Variants in CELF4 observed in about 807,000 individuals in gnomAD.
CELF4 encodes the protein CUG-BP- and ETR-3-like factor 4.
In CELF4, 18 loss-of-function variants were observed where a neutral mutation model predicts 59.9. The ratio of observed to expected loss-of-function variants is 0.30; its 90% CI spans 0.21 to 0.45. CELF4 has a LOEUF of 0.45. Among genes scored for constraint, CELF4 ranks in the 20% least tolerant of loss-of-function variants. CELF4 has a pLI of 1.00. For synonymous variants in CELF4, 261 were observed against 267.1 expected, an observed-to-expected ratio of 0.98 and a Z score of 0.22; for missense variants, 456 against 689.0, an observed-to-expected ratio of 0.66 and a Z score of 3.79.
intron 12 of CELF4, among the ~76,000 whole-genome samples, chr18:37,249,489 A>G (rs1372114314): frequency 6.6e-6 from 1 of 152,144 alleles, no homozygotes; most frequent in Non-Finnish European, 1.5e-5. Flanking sequence ...TGAATAGCAC[A>G]CAGCCCCTGT....
intron 1 of CELF4, among the ~76,000 whole-genome samples, chr18:37,491,851 A>G (rs1786803): frequency 0.26 from 39,316 of 152,124 alleles, 5,647 homozygotes; most frequent in Non-Finnish European, 0.32. Context: ...GTGGGGGGAA[A>G]ACACAGTGCA....
In CELF4 at chr18:37,270,808, A is replaced by G. The variant is rs147702950; in HGVS notation, c.1059T>C (p.Ala353=). The G allele has an allele frequency of 2.2e-5, 35 of 1,613,898 alleles. No homozygotes were observed. In the African/African-American group the frequency reaches 4.7e-4, roughly 22 times the overall value. ...GLPPQANGQP[A]AEAVFANGIH... ...TGCCATTGGCGAACACAGCTTCCGC[A>G]GCAGGTTGCCCATTGGCCTGTGGGG... is the stretch of plus-strand genomic sequence containing the variant. Residue 353 remains alanine, a synonymous_variant, in exon 8 of 13, where the codon GCT becomes GCC. Transcript: ENST00000420428.
At chr18:37,280,644 G>A (rs575433300) in intron 3 of CELF4, among the ~76,000 whole-genome samples, 1 of 152,326 alleles carries the variant, frequency 6.6e-6, no homozygotes, top group South Asian at 2.1e-4. Context: ...GACATATGCA[G>A]GGACAACAAG....
chr18:37,379,968 G>C (rs1425767138), intron 2 of CELF4, among the ~76,000 whole-genome samples: 1 of 152,184 alleles, frequency 6.6e-6, no homozygotes, highest in South Asian at 2.1e-4. Context: ...CTTCCACTCA[G>C]AGGGTGGATG....
At chr18:37,533,910 T>A (rs1344387290) in intron 1 of CELF4, among the ~76,000 whole-genome samples, 1 of 151,866 alleles carries the variant, frequency 6.6e-6, no homozygotes, top group Non-Finnish European at 1.5e-5. Context: ...GGTCCTGGAG[T>A]CGGGGGCTTG....
intron 2 of CELF4, among the ~76,000 whole-genome samples, chr18:37,350,267 G>A (rs887875844): frequency 6.6e-6 from 1 of 152,158 alleles, no homozygotes; most frequent in Non-Finnish European, 1.5e-5. Flanking sequence ...GACTTTCTAC[G>A]TGAACATGAC....
intron 3 of CELF4, among the ~76,000 whole-genome samples, chr18:37,289,865 T>A (rs1204214854): frequency 6.6e-6 from 1 of 152,164 alleles, no homozygotes; most frequent in Non-Finnish European, 1.5e-5. Context: ...TGGAGTTTCA[T>A]CTTTTGGGTT....
Position 37,422,077 on chromosome 18 carries a change from G to C in CELF4, c.369+63448C>G, listed in dbSNP as rs181477729. On this transcript the variant is annotated intron_variant, in intron 2 of 12. Transcript: ENST00000420428. The stretch of plus-strand genomic sequence containing the variant: ...ACACGGCGCTCAGTTGTGTGCTGGG[G>C]CAACAAATTATAACACTGGCTAGAC... Among the ~76,000 whole-genome samples, 43 of 152,320 alleles carry C rather than the reference G, an allele frequency of 2.8e-4. No individual in the cohort carries two copies. The East Asian group carries it at 8.3e-3, about 29-fold the overall frequency.
At position 37,366,922 on chromosome 18, in the gene CELF4, G is replaced by C. The variant is rs113056664; in HGVS notation, c.370-45041C>G. 1.7e-3 allele frequency among the ~76,000 whole-genome samples: 264 copies of C among 152,160 alleles called. 1 individual carries two copies. Among genetic ancestry groups the C allele is most frequent in the Non-Finnish European group, 2.9e-3 (195 of 68,006 alleles). On this transcript the variant is annotated intron_variant, in intron 2 of 12. Coordinates refer to ENST00000420428, the MANE Select transcript of CELF4 (RefSeq NM_020180.4). Reference sequence around the variant, plus strand: ...CGTGCCCCATGGAGCTCCTCTTCTGGGTGGCCCCTTCTTGGTTTCTCATTT... The same window carrying C: ...CGTGCCCCATGGAGCTCCTCTTCTGCGTGGCCCCTTCTTGGTTTCTCATTT...
intron 2 of CELF4, among the ~76,000 whole-genome samples, chr18:37,347,257 C>G (rs2098292852): frequency 6.6e-6 from 1 of 152,104 alleles, no homozygotes; most frequent in South Asian, 2.1e-4. Flanking sequence ...TCTCCAAGGT[C>G]TCCCTGCCAC....
At chr18:37,442,369 C>T (rs974902456) in intron 2 of CELF4, among the ~76,000 whole-genome samples, 1 of 152,176 alleles carries the variant, frequency 6.6e-6, no homozygotes, top group African/African-American at 2.4e-5. Context: ...TTGATTCTCA[C>T]TAGTCATTTG....
chr18:37,380,792 A>ATCCATCCATCCATCC (rs2099029500), intron 2 of CELF4, among the ~76,000 whole-genome samples: 1 of 134,752 alleles, frequency 7.4e-6, no homozygotes, highest in Non-Finnish European at 1.6e-5. Flanking sequence ...TTTCTCCATG[A>ATCCATCCATCCATCC]ATCCATCCAT....
Position 37,493,265 on chromosome 18 carries a change from T to C in CELF4, c.287-7658A>G, listed in dbSNP as rs901815541. ...ACGTAACTTTCTAGGAGTGTCTAAG[T>C]TTTCCTTCCTCCAGGAAGCCTTCCC... On this transcript the variant is annotated intron_variant, in intron 1 of 12. Coordinates refer to ENST00000420428, the MANE Select transcript of CELF4 (RefSeq NM_020180.4). 2.6e-5 allele frequency among the ~76,000 whole-genome samples: 4 copies of C among 152,166 alleles called. No homozygotes were observed. In the South Asian group the frequency reaches 8.3e-4, roughly 31 times the overall value.
chr18:37,253,755 G>C lies in CELF4; in HGVS notation c.*44+12C>G. The C allele has an allele frequency of 6.6e-7, 1 of 1,522,170 alleles. No homozygotes were observed. The highest frequency in any genetic ancestry group is 8.9e-7 in the Non-Finnish European group (1 of 1,126,542). 94.3% of individuals were successfully genotyped at this position (1,522,170 alleles called of 1,614,324 possible). A position where few individuals can be genotyped will look rare whatever the true frequency, so the allele number is the denominator to read the frequency against. ...CAACCCCCGTCCCCGCGCCCCGGCC[G>C]CCCCCGGTTACCTGTGCGAGTCCTG... On this transcript the variant is annotated intron_variant, in intron 12 of 12. Transcript: ENST00000420428. This position sits in a 1 kb window ranked among gnomAD's most constrained non-coding sequence, Gnocchi z 4.5.
In CELF4 at chr18:37,398,904, C is replaced by T. The variant is rs117758408; in HGVS notation, c.370-77023G>A. Among the ~76,000 whole-genome samples the T allele has an allele frequency of 4.2e-3, 642 of 152,206 alleles. 4 individuals are homozygous for T. The highest frequency in any genetic ancestry group is 7.7e-3 in the Non-Finnish European group (524 of 68,004). On this transcript the variant is annotated intron_variant, in intron 2 of 12. Coordinates refer to ENST00000420428, the MANE Select transcript of CELF4 (RefSeq NM_020180.4). ...TGGCTGAGAGGATTTACAGAGATCC[C>T]GGGGGTGCATATAGATTTCAAACTG...
At chr18:37,538,033 G>T (rs548298518) in intron 1 of CELF4, among the ~76,000 whole-genome samples, 7 of 152,340 alleles carry the variant, frequency 4.6e-5, no homozygotes, top group African/African-American at 1.4e-4. Context: ...TCCTTGGTCC[G>T]GGTTGTGCAG....
intron 2 of CELF4, among the ~76,000 whole-genome samples, chr18:37,361,550 T>A (rs1003821417): frequency 6.6e-6 from 1 of 152,150 alleles, no homozygotes; most frequent in Non-Finnish European, 1.5e-5. Flanking sequence ...GTCTTGGCTG[T>A]TAACAAAATT....
intron 2 of CELF4, among the ~76,000 whole-genome samples, chr18:37,408,383 G>GA (rs2099404527): frequency 6.6e-6 from 1 of 151,312 alleles, no homozygotes; most frequent in African/African-American, 2.4e-5. Context: ...AAGGGACCAA[G>GA]CACCCAACTT....
At chr18:37,287,602 A>G (rs1266181941) in intron 3 of CELF4, among the ~76,000 whole-genome samples, 1 of 152,094 alleles carries the variant, frequency 6.6e-6, no homozygotes, top group Non-Finnish European at 1.5e-5. Flanking sequence ...CTGAGTGGGG[A>G]ATCCCAGGCC....
Sources: allele counts gnomAD v4.1 joint callset (sites outside exome capture counted in the v4.1 genomes callset), GRCh38; gene constraint gnomAD v4.1.1; non-coding constraint Gnocchi (gnomAD v3.1); transcripts MANE v1.5; gene names NCBI Gene and HGNC (gene_info 2026-07-23, HGNC 2026-07-21).